Variants in NUP188 observed in about 807,000 individuals in gnomAD.
NUP188 encodes nucleoporin 188, also known as nucleoporin NUP188.
Under a neutral mutation model 223.0 loss-of-function variants are expected in NUP188, and 97 were observed. That is an observed-to-expected ratio of 0.43 (90% CI 0.37 to 0.51). The LOEUF is 0.51. NUP188 is among the 20% of genes least tolerant of loss of function. The probability of loss-of-function intolerance (pLI) is 0.00; values close to 1 mark genes in which losing one functional copy is unlikely to be tolerated. For missense variants in NUP188, 1,947 were observed against 2,175.6 expected, an observed-to-expected ratio of 0.89 and a Z score of 2.09; for synonymous variants, 869 against 828.0, an observed-to-expected ratio of 1.05 and a Z score of -0.85.
At position 128,956,446 on chromosome 9, in the gene NUP188, T is replaced by C; in HGVS notation, c.246+12T>C. 1 of 1,451,498 alleles carries C rather than the reference T, an allele frequency of 6.9e-7. No homozygotes were observed. 89.9% of individuals were successfully genotyped at this position (1,451,498 alleles called of 1,614,324 possible). A position where few individuals can be genotyped will look rare whatever the true frequency, so the allele number is the denominator to read the frequency against. Reference sequence around the variant, plus strand: ...TCAGCAAGTTTTTGGTGAGTAAAAATTAGCACTCGCTCAATTTATTACTTG... The same window carrying C: ...TCAGCAAGTTTTTGGTGAGTAAAAACTAGCACTCGCTCAATTTATTACTTG... On this transcript the variant is annotated intron_variant, in intron 4 of 43. Coordinates refer to ENST00000372577, the MANE Select transcript of NUP188 (RefSeq NM_015354.3).
At chr9:128,951,212 G>A (rs892113132) in intron 2 of NUP188, among the ~76,000 whole-genome samples, 2 of 151,914 alleles carry the variant, frequency 1.3e-5, no homozygotes, top group East Asian at 3.9e-4. Flanking sequence ...GGAGGCTGAG[G>A]CAGGAGATTC....
At position 128,969,618 on chromosome 9, in the gene NUP188, G is replaced by C. The variant is rs886362809; in HGVS notation, c.912+104G>C. On this transcript the variant is annotated intron_variant, in intron 10 of 43. Transcript: ENST00000372577. ...ATTTTCAGTGTTGTGGAACTACATT[G>C]TTCAGTGATGCAGAGGTTCTACAAT... The C allele has an allele frequency of 5.4e-5, 34 of 630,002 alleles. No homozygotes were observed. The African/African-American group carries it at 5.9e-4, about 11-fold the overall frequency. The allele number at this position is 630,002 out of a possible 1,614,324, so 39.0% of individuals were successfully genotyped here. A position where few individuals can be genotyped will look rare whatever the true frequency, so the allele number is the denominator to read the frequency against.
At chr9:128,974,389 GTTT>G (rs778841218) in intron 12 of NUP188, among the ~76,000 whole-genome samples, 2 of 113,340 alleles carry the variant, frequency 1.8e-5, no homozygotes, top group Admixed American at 9.1e-5. Context: ...GCAGGTTGTT[GTTT>G]TTTTTTTTTT....
chr9:128,985,140 T>C (rs1300252511), intron 20 of NUP188, 126 bp downstream of exon 20: 1 of 665,688 alleles, frequency 1.5e-6, no homozygotes, highest in Non-Finnish European at 2.6e-6. Context: ...ATAGTCATCT[T>C]GAAGTTACAG....
chr9:129,004,545 C>T (rs1842739707), intron 38 of NUP188: 1 of 152,298 alleles, frequency 6.6e-6, no homozygotes, highest in South Asian at 2.1e-4. Flanking sequence ...TGCTCTGTCG[C>T]CCAGGCTGGA....
Position 129,001,643 on chromosome 9 carries a change from C to G in NUP188, c.3958C>G (p.Leu1320Val). 6.2e-7 allele frequency: 1 copy of G among 1,613,816 alleles called. No homozygotes were observed. Among genetic ancestry groups the G allele is most frequent in the Non-Finnish European group, 8.5e-7 (1 of 1,179,766 alleles). Residue 1320 changes from leucine (L) to valine (V), a missense_variant, in exon 35 of 44, where the codon CTA becomes GTA. Leu to Val is a conservative substitution (Grantham distance 32). Transcript: ENST00000372577. ...LPILPTLLTTLEVSLRMKQNL... is the reference protein window; with the variant it reads ...LPILPTLLTTVEVSLRMKQNL... ...CATCCTACCCACCCTCCTCACCACTCTAGAGGTGAGCCTTCGCATGAAGCA... is the reference window on the plus strand; with the variant it reads ...CATCCTACCCACCCTCCTCACCACTGTAGAGGTGAGCCTTCGCATGAAGCA...
chr9:129,000,101 T>C (rs12554574), intron 34 of NUP188, among the ~76,000 whole-genome samples: 46,921 of 152,006 alleles, frequency 0.31, 8,497 homozygotes, highest in Non-Finnish European at 0.4. Flanking sequence ...CGAAGTGAAA[T>C]AGGAAATGAT....
rs755120505 is a variant in NUP188, at chr9:129,006,525, G to A, written c.5097G>A (p.Ser1699=). 18 of 1,613,582 alleles carry A rather than the reference G, an allele frequency of 1.1e-5. No homozygotes were observed. The East Asian group carries it at 2.0e-4, about 18-fold the overall frequency. Residue 1699 remains serine (S), a synonymous_variant, in exon 44 of 44, where the codon TCG becomes TCA. Transcript: ENST00000372577. ...SELSTLLSSL[S]RYFRRGAPSS... Reference sequence around the variant, plus strand: ...AGAGCACGCTGCTGTCCAGCCTCTCGCGCTACTTCCGCCGGGGAGCCCCCA... The same window carrying A: ...AGAGCACGCTGCTGTCCAGCCTCTCACGCTACTTCCGCCGGGGAGCCCCCA...
At chr9:128,952,330 C>T (rs1010271425) in intron 2 of NUP188, among the ~76,000 whole-genome samples, 7 of 148,238 alleles carry the variant, frequency 4.7e-5, no homozygotes, top group African/African-American at 7.5e-5. Context: ...ACCCAGGAGG[C>T]GGAGGTTGCA....
chr9:128,990,260 T>C, intron 25 of NUP188, 34 bp downstream of exon 25: 2 of 1,517,580 alleles, frequency 1.3e-6, no homozygotes, highest in Non-Finnish European at 1.8e-6. Flanking sequence ...ACACTGTTTA[T>C]ATGAGGGTGT....
At chr9:128,947,947 A>C in intron 1 of NUP188, 196 bp downstream of exon 1, 1 of 412,176 alleles carries the variant, frequency 2.4e-6, no homozygotes. Flanking sequence ...CTTCTTCAGG[A>C]GGGGGGCCGG....
chr9:128,995,556 C>A, intron 30 of NUP188, 42 bp downstream of exon 30: 1 of 1,495,502 alleles, frequency 6.7e-7, no homozygotes, highest in Non-Finnish European at 9.0e-7. Context: ...GGTACCTTAG[C>A]AATGATGTGT....
Position 128,952,859 on chromosome 9 carries a change from C to T in NUP188, c.161+13C>T, listed in dbSNP as rs759674988. ...ACAAACCTCCCAGGTATGGCAGTTCCGGGTGTCTGGTTAAAGTAATTGTCC... is the reference window on the plus strand; with the variant it reads ...ACAAACCTCCCAGGTATGGCAGTTCTGGGTGTCTGGTTAAAGTAATTGTCC... On this transcript the variant is annotated intron_variant, in intron 3 of 43. Transcript: ENST00000372577. 56 of 1,606,414 alleles carry T rather than the reference C, an allele frequency of 3.5e-5. No homozygotes were observed. Among genetic ancestry groups the T allele is most frequent in the Admixed American group, 1.7e-4 (10 of 59,928 alleles).
intron 28 of NUP188, 108 bp downstream of exon 28, chr9:128,994,550 G>C: frequency 1.3e-6 from 1 of 790,896 alleles, no homozygotes; most frequent in Non-Finnish European, 2.2e-6. Flanking sequence ...TTAAACAACA[G>C]AATGTTCCCT....
At chr9:128,984,436 G>C (rs1432890263) in intron 19 of NUP188, among the ~76,000 whole-genome samples, 1 of 152,104 alleles carries the variant, frequency 6.6e-6, no homozygotes, top group Non-Finnish European at 1.5e-5. Flanking sequence ...GAGAGCAAGA[G>C]AGATTTCTTA....
chr9:128,982,881 A>G, intron 16 of NUP188, 21 bp from the exon 17 acceptor site: 1 of 1,614,062 alleles, frequency 6.2e-7, no homozygotes, highest in Non-Finnish European at 8.5e-7. Flanking sequence ...CCGTGAGGTC[A>G]CAGGCTGTCT....
At chr9:129,003,833 C>T (rs1298857271) in intron 38 of NUP188, 4 of 315,394 alleles carry the variant, frequency 1.3e-5, no homozygotes, top group East Asian at 1.1e-4. Context: ...ATTAGCTGGG[C>T]GTGGTGGCAC....
chr9:128,961,889 G>C (rs1841960411), intron 8 of NUP188, among the ~76,000 whole-genome samples: 1 of 150,526 alleles, frequency 6.6e-6, no homozygotes, highest in Non-Finnish European at 1.5e-5. Flanking sequence ...CAAAGCGCTG[G>C]GATTACAGGC....
chr9:128,956,274 A>G, intron 3 of NUP188, 76 bp from the exon 4 acceptor site: 1 of 865,814 alleles, frequency 1.2e-6, no homozygotes, highest in Admixed American at 3.2e-5. Flanking sequence ...CTGTAGGAAA[A>G]ATATTTTAAA....
Sources: allele counts gnomAD v4.1 joint callset (sites outside exome capture counted in the v4.1 genomes callset), GRCh38; gene constraint gnomAD v4.1.1; transcripts MANE v1.5; gene names NCBI Gene and HGNC (gene_info 2026-07-23, HGNC 2026-07-21).